IPO5: variants seen among roughly 807,000 people sequenced by gnomAD.
IPO5 encodes importin-5.
In IPO5, 18 loss-of-function variants were observed where a neutral mutation model predicts 143.3. That is an observed-to-expected ratio of 0.13 (90% confidence interval 0.09 to 0.19). IPO5 has a LOEUF of 0.19. Ranked by LOEUF, IPO5 falls within the 10% of genes least tolerant of loss-of-function variation. The pLI is 1.00. For synonymous variants in IPO5, 477 were observed against 465.7 expected (o/e 1.02, Z -0.31); for missense variants, 1,013 against 1,336.9 (o/e 0.76, Z 3.78).
Position 97,972,709 on chromosome 13 carries a change from C to T in IPO5, c.-5+2879C>T, listed in dbSNP as rs777609877. ...TTGTTTTTGTTTTTTTATTTTAATG[C>T]GGCCAAAGCAATGGCAGCGAATACG... On this transcript the variant is annotated intron_variant, in intron 3 of 28. Coordinates refer to ENST00000651721, the MANE Select transcript of IPO5 (RefSeq NM_002271.6). Among the ~76,000 whole-genome samples the T allele has an allele frequency of 3.0e-4, 45 of 152,102 alleles. 1 individual carries two copies. Among genetic ancestry groups the T allele is most frequent in the South Asian group, 6.2e-4 (3 of 4,824 alleles).
intron 8 of IPO5, 103 bp from the exon 9 acceptor site, chr13:97,990,330 A>G: frequency 8.8e-7 from 1 of 1,132,724 alleles, no homozygotes. Flanking sequence ...AAATACAAAC[A>G]CCAGTTTTAC....
In IPO5 at chr13:97,993,170, C is replaced by G. The variant is rs772717463; in HGVS notation, c.858C>G (p.Leu286=). ...TTGCCCTTGAAGTGATCGTCACCCT[C>G]TCTGAGACTGCAGCTGCTATGTTAA... is the stretch of plus-strand genomic sequence containing the variant. The part of the protein sequence containing the change: ...RQLALEVIVT[L]SETAAAMLRK... The change falls in exon 11 of 29, where the codon CTC becomes CTG. Residue 286 remains leucine, a synonymous_variant. Transcript: ENST00000651721. The G allele has an allele frequency of 9.9e-6, 16 of 1,613,762 alleles. No individual in the cohort carries two copies. Among genetic ancestry groups the G allele is most frequent in the Non-Finnish European group, 1.3e-5 (15 of 1,179,782 alleles).
rs1887616802 is a variant in IPO5, at chr13:97,989,191, G to A, written c.467+27G>A. 3.0e-6 allele frequency: 4 copies of A among 1,324,660 alleles called. No individual in the cohort carries two copies. The African/African-American group carries it at 4.4e-5, about 14-fold the overall frequency. 82.1% of individuals were successfully genotyped at this position (1,324,660 alleles called of 1,614,324 possible). On this transcript the variant is annotated intron_variant, in intron 7 of 28. Coordinates refer to ENST00000651721, the MANE Select transcript of IPO5 (RefSeq NM_002271.6). ...TATATACATTAATCTAGTTTTTTGAGACATTTGATTTAATGAATGCCCTAA... is the reference window on the plus strand; with the variant it reads ...TATATACATTAATCTAGTTTTTTGAAACATTTGATTTAATGAATGCCCTAA...
chr13:97,959,664 G>A (rs1263627650), intron 2 of IPO5, among the ~76,000 whole-genome samples: 1 of 152,096 alleles, frequency 6.6e-6, no homozygotes, highest in South Asian at 2.1e-4. Context: ...AACCCGGGAG[G>A]CGTAGGTTGC....
intron 2 of IPO5, among the ~76,000 whole-genome samples, chr13:97,964,928 C>A (rs529235304): frequency 6.6e-6 from 1 of 152,278 alleles, no homozygotes; most frequent in East Asian, 1.9e-4. Flanking sequence ...ATAGCAAAGA[C>A]TTGGAACCAA....
rs1211038216 is a variant in IPO5 at position 97,992,905 on chromosome 13, C to T, written c.683C>T (p.Ser228Leu). ...LPGFLQAVND[S>L]CYQNDDSVLK... ...CATCTTTTCTAGGCGGTAAATGACTCGTGCTACCAGAATGATGATTCTGTC... is the reference window on the plus strand; with the variant it reads ...CATCTTTTCTAGGCGGTAAATGACTTGTGCTACCAGAATGATGATTCTGTC... The change falls in exon 10 of 29, where the codon TCG becomes TTG. Residue 228 changes from serine (S) to leucine (L), a missense_variant. Transcript: ENST00000651721. 2.2e-5 allele frequency: 35 copies of T among 1,611,238 alleles called. No individual in the cohort carries two copies. Among genetic ancestry groups the T allele is most frequent in the Non-Finnish European group, 2.7e-5 (32 of 1,178,092 alleles).
At chr13:97,968,693 G>GT (rs979996451) in intron 2 of IPO5, among the ~76,000 whole-genome samples, 13 of 152,052 alleles carry the variant, frequency 8.5e-5, no homozygotes, top group East Asian at 5.8e-4. Flanking sequence ...ACCTGCTTTT[G>GT]TTTTTTTGTC....
chr13:98,007,739 A>G (rs543847384), intron 17 of IPO5, among the ~76,000 whole-genome samples: 2 of 152,390 alleles, frequency 1.3e-5, no homozygotes, highest in East Asian at 3.9e-4. Context: ...TATGCAGTGA[A>G]TTCTATAAAC....
At position 98,015,651 on chromosome 13, in the gene IPO5, C is replaced by G. The variant is rs752300482; in HGVS notation, c.2437+10C>G. The G allele has an allele frequency of 6.3e-7, 1 of 1,591,790 alleles. No homozygotes were observed. The highest frequency in any genetic ancestry group is 1.7e-5 in the Admixed American group (1 of 58,446). On this transcript the variant is annotated intron_variant, in intron 23 of 28. Transcript: ENST00000651721. ...CAAGAATTACGACAAGGTAAGTTTT[C>G]CATGCTTTTATTTCTGAATATAATC...
chr13:97,971,045 T>C (rs1417649852), intron 3 of IPO5, among the ~76,000 whole-genome samples: 1 of 152,198 alleles, frequency 6.6e-6, no homozygotes, highest in East Asian at 1.9e-4. Flanking sequence ...TTGAGACAGG[T>C]TACCTTGGGC....
intron 16 of IPO5, among the ~76,000 whole-genome samples, chr13:98,003,576 A>G (rs896485651): frequency 4.6e-5 from 7 of 152,156 alleles, no homozygotes; most frequent in Non-Finnish European, 1.0e-4. Flanking sequence ...AGGGCCCGGC[A>G]CGGTGGCTCA....
chr13:98,012,147 A>G lies in IPO5; in HGVS notation c.2056-99A>G, dbSNP rs1889770613. ...CAACTTTAAATGTAGTTCTAGTCAA[A>G]ATACAACCTCCTGTGGTCCTTATGA... On this transcript the variant is annotated intron_variant, in intron 20 of 28. Transcript: ENST00000651721. 4.1e-6 allele frequency: 3 copies of G among 733,600 alleles called. No individual in the cohort carries two copies. The Admixed American group carries it at 6.2e-5, about 15-fold the overall frequency. 45.4% of individuals were successfully genotyped at this position (733,600 alleles called of 1,614,324 possible).
rs144895554 is a variant in IPO5 at position 98,014,072 on chromosome 13, C to G, written c.2183C>G (p.Pro728Arg). ...CGAGTGGCAGCAGCGGAATCCATGC[C>G]TCTTCTCCTGGAGTGTGCAAGAGTC... is the stretch of plus-strand genomic sequence containing the variant. ...GVRVAAAESMPLLLECARVRG... is the reference protein window; with the variant it reads ...GVRVAAAESMRLLLECARVRG... Residue 728 changes from proline (P) to arginine (R), a missense_variant, in exon 22 of 29, where the codon CCT (proline) becomes CGT (arginine). Coordinates refer to ENST00000651721, the MANE Select transcript of IPO5 (RefSeq NM_002271.6). The G allele has an allele frequency of 6.2e-7, 1 of 1,610,628 alleles. No individual in the cohort carries two copies. Among genetic ancestry groups the G allele is most frequent in the African/African-American group, 1.3e-5 (1 of 74,720 alleles).
At chr13:97,982,679 C>A in intron 5 of IPO5, 96 bp downstream of exon 5, 1 of 805,858 alleles carries the variant, frequency 1.2e-6, no homozygotes, top group Non-Finnish European at 2.0e-6. Context: ...TTGTGATTAA[C>A]CACATAGACT....
At chr13:98,004,403 C>T (rs1889045944) in intron 16 of IPO5, among the ~76,000 whole-genome samples, 2 of 152,218 alleles carry the variant, frequency 1.3e-5, no homozygotes, top group Non-Finnish European at 1.5e-5. Context: ...TTCGTGTGCC[C>T]GAAGGCAGAC....
intron 2 of IPO5, among the ~76,000 whole-genome samples, chr13:97,960,993 C>A (rs556296119): frequency 6.6e-6 from 1 of 152,268 alleles, no homozygotes; most frequent in Non-Finnish European, 1.5e-5. Flanking sequence ...CCCTACCCAC[C>A]CCATGCCCAG....
intron 11 of IPO5, among the ~76,000 whole-genome samples, chr13:97,994,559 A>G (rs185013745): frequency 1.3e-5 from 2 of 152,350 alleles, no homozygotes; most frequent in Non-Finnish European, 1.5e-5. Context: ...TGAATAACAT[A>G]TTGAAAGACT....
At chr13:98,015,491 C>G in intron 22 of IPO5, 39 bp from the exon 23 acceptor site, 1 of 1,247,876 alleles carries the variant, frequency 8.0e-7, no homozygotes, top group South Asian at 1.3e-5. Context: ...CCAAACACCC[C>G]AAATCTTATG....
chr13:98,018,390 G>A (rs1228189142), intron 25 of IPO5, 95 bp from the exon 26 acceptor site: 11 of 905,220 alleles, frequency 1.2e-5, no homozygotes, highest in Non-Finnish European at 1.4e-5. Flanking sequence ...CCTGTATGAG[G>A]AATATCAATG....
Sources: allele counts gnomAD v4.1 joint callset (sites outside exome capture counted in the v4.1 genomes callset), GRCh38; gene constraint gnomAD v4.1.1; transcripts MANE v1.5; gene names NCBI Gene and HGNC (gene_info 2026-07-23, HGNC 2026-07-21).